Variants in SHROOM3 observed in about 807,000 individuals in gnomAD.
The protein encoded by SHROOM3 is shroom family member 3.
A neutral mutation model predicts 138.6 loss-of-function variants in SHROOM3; 47 were observed. The observed-to-expected ratio is 0.34, with a 90% CI of 0.27 to 0.43. The LOEUF (loss-of-function observed/expected upper bound fraction) is 0.43, where lower values mean the gene tolerates loss of function less well. SHROOM3 is among the 20% of genes least tolerant of loss of function. The probability of loss-of-function intolerance (pLI) is 1.00; values close to 1 mark genes in which losing one functional copy is unlikely to be tolerated. For synonymous variants in SHROOM3, 1,062 were observed against 1,063.3 expected, an observed-to-expected ratio of 1.00 and a Z score of 0.02; for missense variants, 2,491 against 2,596.5, an observed-to-expected ratio of 0.96 and a Z score of 0.88.
At chr4:76,605,927 C>A (rs1415411852) in intron 2 of SHROOM3, among the ~76,000 whole-genome samples, 2 of 140,660 alleles carry the variant, frequency 1.4e-5, no homozygotes, top group Non-Finnish European at 3.1e-5. Flanking sequence ...CTCTCTCTCT[C>A]TCTCTCTATA....
intron 1 of SHROOM3, among the ~76,000 whole-genome samples, chr4:76,533,505 G>A (rs1015584377): frequency 1.3e-5 from 2 of 152,170 alleles, no homozygotes; most frequent in Non-Finnish European, 2.9e-5. Flanking sequence ...GGGATCAGCT[G>A]CTCCAGTAGC....
chr4:76,513,529 G>A (rs1579204828), intron 1 of SHROOM3, among the ~76,000 whole-genome samples: 1 of 152,136 alleles, frequency 6.6e-6, no homozygotes, highest in Non-Finnish European at 1.5e-5. Context: ...GGTCAGGCTG[G>A]TCTTGAACTC....
intron 2 of SHROOM3, among the ~76,000 whole-genome samples, chr4:76,597,750 C>T (rs1328411609): frequency 6.6e-6 from 1 of 152,248 alleles, no homozygotes; most frequent in Middle Eastern, 3.4e-3. Flanking sequence ...TGGCTTCTAG[C>T]GATCTGAGTA....
At chr4:76,691,610 A>G (rs1719542751) in intron 2 of SHROOM3, among the ~76,000 whole-genome samples, 1 of 152,238 alleles carries the variant, frequency 6.6e-6, no homozygotes, top group African/African-American at 2.4e-5. Context: ...GAATTACAGT[A>G]TAAATTCTGT....
intron 3 of SHROOM3, among the ~76,000 whole-genome samples, chr4:76,719,283 G>A (rs1720468834): frequency 6.6e-6 from 1 of 152,198 alleles, no homozygotes; most frequent in Non-Finnish European, 1.5e-5. Context: ...AGCAACATAT[G>A]CTATGGCACA....
At chr4:76,630,134 T>C (rs1397943362) in intron 2 of SHROOM3, among the ~76,000 whole-genome samples, 1 of 152,214 alleles carries the variant, frequency 6.6e-6, no homozygotes, top group Non-Finnish European at 1.5e-5. Context: ...TTGTATTTAC[T>C]GGTTCACCAT....
chr4:76,559,348 C>T (rs1219779581), intron 2 of SHROOM3: 7 of 152,126 alleles, frequency 4.6e-5, no homozygotes, highest in Non-Finnish European at 7.3e-5. Context: ...TTCGTAGTGC[C>T]GTCACTTTCC....
intron 2 of SHROOM3, among the ~76,000 whole-genome samples, chr4:76,689,931 A>G (rs937911738): frequency 6.6e-6 from 1 of 152,138 alleles, no homozygotes; most frequent in African/African-American, 2.4e-5. Context: ...AGTAGCTGCC[A>G]CTCCAAGAGG....
At chr4:76,659,668 G>A (rs373157644) in intron 2 of SHROOM3, among the ~76,000 whole-genome samples, 1 of 152,140 alleles carries the variant, frequency 6.6e-6, no homozygotes, top group Admixed American at 6.5e-5. Flanking sequence ...TGCAACCTCC[G>A]CCTCCCAGGT....
At chr4:76,752,382 G>A (rs1721653168) in intron 6 of SHROOM3, among the ~76,000 whole-genome samples, 1 of 152,178 alleles carries the variant, frequency 6.6e-6, no homozygotes, top group South Asian at 2.1e-4. Flanking sequence ...TTTCACAACA[G>A]TGTGAACATA....
intron 2 of SHROOM3, among the ~76,000 whole-genome samples, chr4:76,704,599 T>C (rs2110114584): frequency 6.6e-6 from 1 of 152,158 alleles, no homozygotes; most frequent in South Asian, 2.1e-4. Context: ...GGAAGGCCAG[T>C]GAGGTCAGAA....
chr4:76,746,824 A>ATTATTATT (rs1283472150), intron 5 of SHROOM3, among the ~76,000 whole-genome samples: 3 of 126,708 alleles, frequency 2.4e-5, no homozygotes, highest in Admixed American at 8.0e-5. Flanking sequence ...TATTATTATT[A>ATTATTATT]TTATTATTTT....
chr4:76,643,886 C>T (rs1363703784), intron 2 of SHROOM3, among the ~76,000 whole-genome samples: 1 of 151,978 alleles, frequency 6.6e-6, no homozygotes, highest in Non-Finnish European at 1.5e-5. Context: ...CTCTTGTTGC[C>T]CAGGCTGGAG....
chr4:76,684,352 T>C (rs1318049815), intron 2 of SHROOM3, among the ~76,000 whole-genome samples: 4 of 152,218 alleles, frequency 2.6e-5, no homozygotes, highest in African/African-American at 7.2e-5. Context: ...ACTTGCTGGC[T>C]ACCTTCACCC....
intron 1 of SHROOM3, among the ~76,000 whole-genome samples, chr4:76,479,754 G>A (rs191442104): frequency 3.2e-4 from 49 of 152,308 alleles, no homozygotes; most frequent in Non-Finnish European, 5.4e-4. Context: ...ACCCACAAAG[G>A]AGAGCCCATC....
chr4:76,782,770 G>A lies in SHROOM3; in HGVS notation c.*3593G>A, dbSNP rs1439645231. 2 of 152,218 alleles carry A rather than the reference G, an allele frequency of 1.3e-5. No homozygotes were observed. The highest frequency in any genetic ancestry group is 2.9e-5 in the Non-Finnish European group (2 of 68,048). The allele number at this position is 152,218 out of a possible 1,614,324, so 9.4% of individuals were successfully genotyped here. A position where few individuals can be genotyped will look rare whatever the true frequency, so the allele number is the denominator to read the frequency against. On this transcript the variant is annotated 3_prime_UTR_variant, in exon 11 of 11. Transcript: ENST00000296043. The stretch of plus-strand genomic sequence containing the variant: ...CCTACAAGGTATAAAAAGTGGTCAA[G>A]TGAATGTGAAGGGGCTTTTCTACAC...
intron 6 of SHROOM3, among the ~76,000 whole-genome samples, chr4:76,750,706 G>A (rs1371336847): frequency 6.6e-6 from 1 of 152,106 alleles, no homozygotes; most frequent in East Asian, 1.9e-4. Flanking sequence ...TGACAGGTGA[G>A]GGGGGCTGTT....
chr4:76,756,922 GAT>G lies in SHROOM3; in HGVS notation c.5184_5185del (p.Cys1729Ter). 6.2e-7 allele frequency: 1 copy of G among 1,614,000 alleles called. No homozygotes were observed. The highest frequency in any genetic ancestry group is 8.5e-7 in the Non-Finnish European group (1 of 1,180,024). Reference sequence around the variant, plus strand: ...ATACAGAGAACTGTCAGCTCTTCAGGATGTGAAGGCAAGAGGTAAGTCCCTGG... The same window carrying G: ...ATACAGAGAACTGTCAGCTCTTCAGGGTGAAGGCAAGAGGTAAGTCCCTGG... On this transcript the variant is annotated frameshift_variant, in exon 8 of 11. Coordinates refer to ENST00000296043, the MANE Select transcript of SHROOM3 (RefSeq NM_020859.4). LOFTEE classifies it high-confidence loss of function.
At chr4:76,557,153 A>G (rs904446199) in intron 2 of SHROOM3, among the ~76,000 whole-genome samples, 2 of 152,040 alleles carry the variant, frequency 1.3e-5, no homozygotes, top group African/African-American at 2.4e-5. Flanking sequence ...ATGCCAAAAT[A>G]TGGCAACAAT....
Sources: gnomAD v4.1 joint callset for allele counts (sites outside exome capture counted in the v4.1 genomes callset) on GRCh38, gnomAD v4.1.1 for gene constraint, MANE v1.5 for transcripts, NCBI Gene and HGNC (gene_info 2026-07-23, HGNC 2026-07-21) for gene names.